AGBL2: variants seen among roughly 807,000 people sequenced by gnomAD.
AGBL2 encodes cytosolic carboxypeptidase 2.
AGBL2 carries 87 observed loss-of-function variants against 103.0 expected under a neutral mutation model. The ratio of observed to expected loss-of-function variants is 0.84; its 90% CI spans 0.71 to 1.01. The LOEUF is 1.01. Ranked by LOEUF, AGBL2 falls within the 50% of genes least tolerant of loss-of-function variation. The pLI, the probability that AGBL2 is intolerant of heterozygous loss-of-function variation, is 0.00. For synonymous variants in AGBL2, 335 were observed against 356.7 expected, an observed-to-expected ratio of 0.94 and a Z score of 0.69; for missense variants, 904 against 1,023.5, an observed-to-expected ratio of 0.88 and a Z score of 1.59.
At chr11:47,681,355 AAAAG>A (rs753655449) in intron 12 of AGBL2, among the ~76,000 whole-genome samples, 13 of 151,914 alleles carry the variant, frequency 8.6e-5, no homozygotes, top group Admixed American at 2.0e-4. Context: ...AAAAATTAAA[AAAAG>A]AAAGAAAAAA....
chr11:47,697,293 A>G (rs2097478604), intron 8 of AGBL2, among the ~76,000 whole-genome samples: 1 of 152,056 alleles, frequency 6.6e-6, no homozygotes, highest in East Asian at 1.9e-4. Flanking sequence ...GCTGGAGTGC[A>G]GTGGCACAAT....
intron 11 of AGBL2, among the ~76,000 whole-genome samples, chr11:47,684,608 T>A (rs1288003238): frequency 1.3e-5 from 2 of 151,424 alleles, no homozygotes; most frequent in African/African-American, 4.9e-5. Context: ...AATAAATAAA[T>A]AAATAAAAAT....
intron 7 of AGBL2, among the ~76,000 whole-genome samples, chr11:47,701,354 C>T (rs2153804980): frequency 6.6e-6 from 1 of 151,522 alleles, no homozygotes; most frequent in Admixed American, 6.6e-5. Context: ...ACCTGTAATC[C>T]CAGCTACTCA....
intron 3 of AGBL2, chr11:47,710,963 C>A: frequency 2.5e-6 from 1 of 399,060 alleles, no homozygotes; most frequent in Non-Finnish European, 4.8e-6. Flanking sequence ...GGCACTTTGG[C>A]ATACTGAACA....
At chr11:47,686,173 C>T (rs2097422841) in intron 10 of AGBL2, 124 bp from the exon 11 acceptor site, 1 of 987,248 alleles carries the variant, frequency 1.0e-6, no homozygotes, top group South Asian at 1.6e-5. Context: ...AATCTCAACT[C>T]CATTGGCCTT....
chr11:47,672,926 C>A (rs1392854056), intron 14 of AGBL2, among the ~76,000 whole-genome samples: 1 of 152,112 alleles, frequency 6.6e-6, no homozygotes, highest in African/African-American at 2.4e-5. Context: ...GGGTCATCCA[C>A]GAGGCACTTT....
At chr11:47,664,306 G>T (rs1442570357) in intron 17 of AGBL2, among the ~76,000 whole-genome samples, 2 of 151,954 alleles carry the variant, frequency 1.3e-5, no homozygotes, top group Non-Finnish European at 2.9e-5. Context: ...GAGTGCAGTG[G>T]CAGGATCACA....
At chr11:47,698,162 T>A (rs1156999714) in intron 8 of AGBL2, among the ~76,000 whole-genome samples, 1 of 127,686 alleles carries the variant, frequency 7.8e-6, no homozygotes, top group African/African-American at 3.0e-5. Flanking sequence ...AAGCCCAGTC[T>A]ACATAATTTT....
Position 47,704,582 on chromosome 11 carries a change from T to C in AGBL2, c.547A>G (p.Ile183Val), listed in dbSNP as rs146343225. ...KRPLQAPRWPIECEVIKENIH... is the reference protein window; with the variant it reads ...KRPLQAPRWPVECEVIKENIH... ...TTTTCCTTGATGACCTCACATTCAA[T>C]TGGCCATCTTGGAGCCTGCAGTGGC... The change falls in exon 7 of 19, where the codon ATT (isoleucine) becomes GTT (valine). Residue 183 changes from isoleucine (I) to valine (V), a missense_variant. By Grantham distance (29) the Ile-to-Val change is conservative. Coordinates refer to ENST00000525123, the MANE Select transcript of AGBL2 (RefSeq NM_024783.4). 1.0e-4 allele frequency: 162 copies of C among 1,613,910 alleles called. No homozygotes were observed. The highest frequency in any genetic ancestry group is 3.3e-4 in the Middle Eastern group (2 of 6,084).
chr11:47,710,576 A>G, intron 3 of AGBL2, 65 bp from the exon 4 acceptor site: 1 of 1,587,526 alleles, frequency 6.3e-7, no homozygotes, highest in Non-Finnish European at 8.6e-7. Context: ...CATCTAGGTC[A>G]ATACCAAACC....
Position 47,714,320 on chromosome 11 carries a change from T to TA in AGBL2, c.60dup (p.Met21TyrfsTer12). On this transcript the variant is annotated frameshift_variant, in exon 3 of 19. Coordinates refer to ENST00000525123, the MANE Select transcript of AGBL2 (RefSeq NM_024783.4). LOFTEE classifies it high-confidence loss of function. ...CCATAATATTGGAGGTGACGGTACA[T>TA]AAAGTCTTCATAAGGATCAGGAATA... 6.2e-7 allele frequency: 1 copy of TA among 1,612,396 alleles called. No homozygotes were observed. Among genetic ancestry groups the TA allele is most frequent in the Admixed American group, 1.7e-5 (1 of 59,646 alleles).
intron 13 of AGBL2, 36 bp from the exon 14 acceptor site, chr11:47,677,437 C>T (rs1015906935): frequency 9.8e-6 from 13 of 1,328,590 alleles, no homozygotes; most frequent in African/African-American, 1.5e-5. Flanking sequence ...TTTGTTAATT[C>T]ATTTTATTTT....
intron 15 of AGBL2, among the ~76,000 whole-genome samples, 161 bp from the exon 16 acceptor site, chr11:47,667,857 C>T (rs1014437408): frequency 2.0e-5 from 3 of 152,144 alleles, no homozygotes; most frequent in Admixed American, 6.6e-5. Flanking sequence ...TCCCTCCTTA[C>T]TGGAGGATGC....
chr11:47,693,636 T>G (rs913187281), intron 8 of AGBL2, among the ~76,000 whole-genome samples: 1 of 152,222 alleles, frequency 6.6e-6, no homozygotes, highest in African/African-American at 2.4e-5. Context: ...CGTAGTGTTT[T>G]GAAATCAAGA....
rs2097323665 is a variant in AGBL2 at position 47,659,737 on chromosome 11, G to GGACTGTCACTAGACTGTCTAGGTC, written c.*435_*436insGACCTAGACAGTCTAGTGACAGTC. 1.3e-5 allele frequency: 2 copies of GGACTGTCACTAGACTGTCTAGGTC among 154,000 alleles called. No individual in the cohort carries two copies. The highest frequency in any genetic ancestry group is 2.9e-5 in the Non-Finnish European group (2 of 69,440). 9.5% of individuals were successfully genotyped at this position (154,000 alleles called of 1,614,324 possible). ...TTGTGAGCAAACCTGACATACAGCA[G>GGACTGTCACTAGACTGTCTAGGTC]TAGGACTGACCGTCACTAGAAAGCT... On this transcript the variant is annotated 3_prime_UTR_variant, in exon 19 of 19. Transcript: ENST00000525123.
chr11:47,663,475 C>G (rs949694883), intron 17 of AGBL2, among the ~76,000 whole-genome samples: 2 of 151,876 alleles, frequency 1.3e-5, no homozygotes, highest in Non-Finnish European at 2.9e-5. Context: ...AGGCAGACTT[C>G]AAAATGTATG....
At chr11:47,711,038 C>G in intron 3 of AGBL2, 1 of 340,918 alleles carries the variant, frequency 2.9e-6, no homozygotes, top group Admixed American at 4.2e-5. Flanking sequence ...TGTAACAAAC[C>G]TGCACATGTA....
At chr11:47,683,302 GGA>G (rs2097409456) in intron 11 of AGBL2, among the ~76,000 whole-genome samples, 2 of 152,170 alleles carry the variant, frequency 1.3e-5, no homozygotes, top group Admixed American at 1.3e-4. Context: ...GAACCTGGGA[GGA>G]GGAGGTTGCA....
At chr11:47,702,075 C>T (rs2097501475) in intron 7 of AGBL2, among the ~76,000 whole-genome samples, 1 of 151,882 alleles carries the variant, frequency 6.6e-6, no homozygotes, top group South Asian at 2.1e-4. Context: ...GGCTTGTGCC[C>T]AGGAGTTCAA....
Sources: allele counts gnomAD v4.1 joint callset (sites outside exome capture counted in the v4.1 genomes callset), GRCh38; gene constraint gnomAD v4.1.1; transcripts MANE v1.5; gene names NCBI Gene and HGNC (gene_info 2026-07-23, HGNC 2026-07-21).